The following TSHZ3 variants were observed in gnomAD, a reference collection of about 807,000 sequenced individuals.
TSHZ3 encodes teashirt zinc finger homeobox 3.
Under a neutral mutation model 64.5 loss-of-function variants are expected in TSHZ3, and 10 were observed. The ratio of observed to expected loss-of-function variants is 0.16; its 90% CI spans 0.10 to 0.26. The LOEUF (loss-of-function observed/expected upper bound fraction) is 0.26. TSHZ3 is among the 10% of genes least tolerant of loss of function. TSHZ3 has a pLI of 1.00. For synonymous variants in TSHZ3, 608 were observed against 593.1 expected, an observed-to-expected ratio of 1.03 and a Z score of -0.36; for missense variants, 1,242 against 1,421.7, an observed-to-expected ratio of 0.87 and a Z score of 2.03.
At chr19:31,348,027 A>G (rs536568890) in intron 1 of TSHZ3, among the ~76,000 whole-genome samples, 2 of 152,344 alleles carry the variant, frequency 1.3e-5, no homozygotes, top group African/African-American at 4.8e-5. Flanking sequence ...AGGAAGAGAA[A>G]AGAAAAGAAA....
chr19:31,291,747 C>G (rs138183919), intron 1 of TSHZ3, among the ~76,000 whole-genome samples: 2 of 152,130 alleles, frequency 1.3e-5, no homozygotes, highest in Admixed American at 6.5e-5. Context: ...GGTGGAAGCC[C>G]GCACCTGTCT....
intron 4 of TSHZ3, among the ~76,000 whole-genome samples, chr19:31,206,746 A>AT (rs1249353705): frequency 6.6e-6 from 1 of 152,206 alleles, no homozygotes; most frequent in Non-Finnish European, 1.5e-5. Flanking sequence ...AAAATCTTCC[A>AT]TTTTCAATAA....
chr19:31,320,338 A>G (rs1916730799), intron 1 of TSHZ3, among the ~76,000 whole-genome samples: 1 of 152,162 alleles, frequency 6.6e-6, no homozygotes, highest in Non-Finnish European at 1.5e-5. Flanking sequence ...GACTTGCTTT[A>G]TCTACCCATA....
chr19:31,226,937 CTTTTTCT>C (rs1322145030), intron 4 of TSHZ3, among the ~76,000 whole-genome samples: 2 of 133,566 alleles, frequency 1.5e-5, no homozygotes, highest in East Asian at 4.4e-4. Context: ...CTTGCAGATA[CTTTTTCT>C]TTTTTCTTTT....
intron 1 of TSHZ3, among the ~76,000 whole-genome samples, chr19:31,293,448 G>A (rs962902733): frequency 3.9e-5 from 6 of 152,146 alleles, no homozygotes; most frequent in African/African-American, 1.4e-4. Flanking sequence ...AGTCTTCCCT[G>A]ATAACTTTCC....
chr19:31,208,338 A>G (rs1162209689), intron 4 of TSHZ3, among the ~76,000 whole-genome samples: 4 of 152,152 alleles, frequency 2.6e-5, no homozygotes, highest in African/African-American at 4.8e-5. Flanking sequence ...ATAATTTCCC[A>G]TCTTTGTCTT....
intron 6 of TSHZ3, among the ~76,000 whole-genome samples, chr19:31,153,582 C>T (rs1186952194): frequency 2.0e-5 from 3 of 152,182 alleles, no homozygotes; most frequent in Admixed American, 2.0e-4. Context: ...GTTGCTATCA[C>T]TTGACTTCTT....
chr19:31,198,401 C>T (rs986541580), intron 5 of TSHZ3, among the ~76,000 whole-genome samples: 2 of 152,018 alleles, frequency 1.3e-5, no homozygotes, highest in African/African-American at 4.8e-5. Flanking sequence ...TGCCTCTCAC[C>T]ATTATTTTCA....
intron 5 of TSHZ3, among the ~76,000 whole-genome samples, chr19:31,168,824 G>A (rs532841589): frequency 8.5e-5 from 13 of 152,264 alleles, no homozygotes; most frequent in African/African-American, 2.6e-4. Flanking sequence ...CCCGTAGGAC[G>A]TAGTCTGTGG....
intron 1 of TSHZ3, among the ~76,000 whole-genome samples, chr19:31,269,226 C>T (rs1260231605): frequency 6.6e-6 from 1 of 152,076 alleles, no homozygotes; most frequent in African/African-American, 2.4e-5. Context: ...CAAACACATG[C>T]ACAAATTAAA....
intron 1 of TSHZ3, among the ~76,000 whole-genome samples, chr19:31,284,006 C>T (rs910504052): frequency 2.6e-5 from 4 of 152,156 alleles, no homozygotes; most frequent in African/African-American, 9.7e-5. Flanking sequence ...TCCACCGATT[C>T]GACCCAACAA....
At chr19:31,166,742 C>T (rs914430854) in intron 5 of TSHZ3, among the ~76,000 whole-genome samples, 7 of 152,208 alleles carry the variant, frequency 4.6e-5, no homozygotes, top group Non-Finnish European at 8.8e-5. Flanking sequence ...CTGCTACAAC[C>T]AATATCATCA....
In TSHZ3 at chr19:31,278,161, C is replaced by A; in HGVS notation, c.1632G>T (p.Trp544Cys). The A allele has an allele frequency of 4.3e-6, 7 of 1,614,130 alleles. No individual in the cohort carries two copies. Among genetic ancestry groups the A allele is most frequent in the Non-Finnish European group, 5.9e-6 (7 of 1,180,014 alleles). ...CGGCATGGATGCTGGGATAGCCCCC[C>A]CAGCTAGGAGTGCCGTTCTGGGCCT... Reference protein sequence around the residue: ...INKAQNGTPSWGGYPSIHAAY... With the variant: ...INKAQNGTPSCGGYPSIHAAY... The change falls in exon 2 of 2, where the codon TGG becomes TGT. Residue 544 changes from tryptophan (W) to cysteine (C), a missense_variant. Around this residue, in one of 4 missense-constraint regions of TSHZ3, gnomAD observed 550 missense variants for 545.1 expected, o/e 1.01. Coordinates refer to ENST00000240587, the MANE Select transcript of TSHZ3 (RefSeq NM_020856.4). The surrounding 1 kb of genome is among the most constrained non-coding windows in gnomAD (Gnocchi z 4.7).
chr19:31,174,942 T>C (rs1322599415), intron 5 of TSHZ3, among the ~76,000 whole-genome samples: 2 of 152,210 alleles, frequency 1.3e-5, no homozygotes, highest in Non-Finnish European at 2.9e-5. Flanking sequence ...GCTTTTATTT[T>C]TAATCTGGAG....
At chr19:31,270,065 C>G (rs555772644), downstream of TSHZ3, among the ~76,000 whole-genome samples, 93 of 152,342 alleles carry the variant, frequency 6.1e-4, no homozygotes, top group South Asian at 2.3e-3. Flanking sequence ...AGTTTGCAGC[C>G]TAGATCATAT....
At chr19:31,215,728 G>A (rs970680017) in intron 4 of TSHZ3, among the ~76,000 whole-genome samples, 2 of 151,938 alleles carry the variant, frequency 1.3e-5, no homozygotes, top group South Asian at 2.1e-4. Flanking sequence ...AAAATTAGCC[G>A]GGCATAGTGG....
At chr19:31,339,083 T>C (rs930802386) in intron 1 of TSHZ3, among the ~76,000 whole-genome samples, 1 of 152,122 alleles carries the variant, frequency 6.6e-6, no homozygotes, top group African/African-American at 2.4e-5. Flanking sequence ...AACATCCATC[T>C]TCAATAACGC....
intron 1 of TSHZ3, among the ~76,000 whole-genome samples, chr19:31,335,439 C>T (rs1917216010): frequency 6.6e-6 from 1 of 152,232 alleles, no homozygotes; most frequent in African/African-American, 2.4e-5. Context: ...CTCTCAAGCC[C>T]TGGTCAGGCA....
intron 5 of TSHZ3, among the ~76,000 whole-genome samples, chr19:31,169,244 A>G (rs1465724226): frequency 2.0e-5 from 3 of 152,234 alleles, no homozygotes; most frequent in Non-Finnish European, 4.4e-5. Flanking sequence ...AAAATATTAA[A>G]CATAGAATAA....
Sources: allele counts gnomAD v4.1 joint callset (sites outside exome capture counted in the v4.1 genomes callset), GRCh38; gene constraint gnomAD v4.1.1; regional missense constraint gnomAD v4.1.1; non-coding constraint Gnocchi (gnomAD v3.1); transcripts MANE v1.5; gene names NCBI Gene and HGNC (gene_info 2026-07-23, HGNC 2026-07-21).